Variants in DACH1 observed in about 807,000 individuals in gnomAD.
DACH1 encodes the protein dachshund family transcription factor 1.
DACH1 carries 12 observed loss-of-function variants against 54.2 expected under a neutral mutation model. The observed-to-expected ratio is 0.22, with a 90% CI of 0.14 to 0.36. The LOEUF is 0.36. Among genes scored for constraint, DACH1 ranks in the 10% least tolerant of loss-of-function variants. The pLI, the probability that DACH1 is intolerant of heterozygous loss-of-function variation, is 1.00. For synonymous variants in DACH1, 386 were observed against 366.2 expected (o/e 1.05, Z -0.62); for missense variants, 805 against 929.8 (o/e 0.87, Z 1.75).
At chr13:71,498,816 G>A (rs536678949) in intron 6 of DACH1, among the ~76,000 whole-genome samples, 2 of 151,964 alleles carry the variant, frequency 1.3e-5, no homozygotes, top group Non-Finnish European at 2.9e-5. Context: ...TTTTTAGGGG[G>A]AAATCATATT....
intron 10 of DACH1, among the ~76,000 whole-genome samples, chr13:71,455,285 T>G (rs541411789): frequency 4.6e-5 from 7 of 152,118 alleles, no homozygotes; most frequent in Non-Finnish European, 8.8e-5. Context: ...TACCTCTCCA[T>G]ATATAGAGAT....
intron 3 of DACH1, among the ~76,000 whole-genome samples, chr13:71,613,548 T>G (rs1357627295): frequency 1.3e-5 from 2 of 152,198 alleles, no homozygotes; most frequent in African/African-American, 2.4e-5. Context: ...GTTACTGCAG[T>G]GGCCAACGTG....
At chr13:71,628,645 G>A (rs1876842211) in intron 3 of DACH1, among the ~76,000 whole-genome samples, 1 of 151,936 alleles carries the variant, frequency 6.6e-6, no homozygotes, top group Non-Finnish European at 1.5e-5. Flanking sequence ...ATTTATTCCA[G>A]CTAAAATACA....
chr13:71,542,593 T>C (rs1209700226), intron 6 of DACH1, among the ~76,000 whole-genome samples: 1 of 152,164 alleles, frequency 6.6e-6, no homozygotes, highest in Non-Finnish European at 1.5e-5. Context: ...TCTCTCCTCT[T>C]TGGCTTGTCT....
chr13:71,714,961 G>GA (rs1882899569), intron 1 of DACH1, among the ~76,000 whole-genome samples: 2 of 151,888 alleles, frequency 1.3e-5, no homozygotes, highest in African/African-American at 4.8e-5. Context: ...ACTTAACTGA[G>GA]AAAAAAGGGA....
chr13:71,499,854 G>A (rs1440233596), intron 6 of DACH1, among the ~76,000 whole-genome samples: 6 of 152,068 alleles, frequency 3.9e-5, no homozygotes, highest in Non-Finnish European at 7.4e-5. Context: ...AAATCTGATG[G>A]TTCAGCTCAA....
intron 2 of DACH1, 27 bp downstream of exon 2, chr13:71,681,768 T>G (rs754053926): frequency 6.5e-7 from 1 of 1,541,566 alleles, no homozygotes; most frequent in Non-Finnish European, 8.9e-7. Context: ...TTTAATATTT[T>G]TTGGCATAAG....
At chr13:71,499,833 G>A (rs896527027) in intron 6 of DACH1, among the ~76,000 whole-genome samples, 4 of 151,962 alleles carry the variant, frequency 2.6e-5, no homozygotes, top group African/African-American at 7.3e-5. Context: ...ATGTCATACC[G>A]CATGAAAAGA....
At chr13:71,508,112 G>C (rs1880476269) in intron 6 of DACH1, among the ~76,000 whole-genome samples, 1 of 152,030 alleles carries the variant, frequency 6.6e-6, no homozygotes, top group South Asian at 2.1e-4. Context: ...TCATTATGGA[G>C]GCACTTCTTT....
chr13:71,525,014 T>C (rs1179278667), intron 6 of DACH1, among the ~76,000 whole-genome samples: 1 of 152,174 alleles, frequency 6.6e-6, no homozygotes, highest in African/African-American at 2.4e-5. Context: ...TTTTTTCTTG[T>C]AGGATATCAT....
chr13:71,443,264 T>C (rs1874164562), intron 10 of DACH1, among the ~76,000 whole-genome samples: 1 of 151,780 alleles, frequency 6.6e-6, no homozygotes, highest in African/African-American at 2.4e-5. Flanking sequence ...ACTTTAAGAA[T>C]AATAATAATG....
intron 1 of DACH1, among the ~76,000 whole-genome samples, chr13:71,743,766 A>G (rs1884499269): frequency 6.6e-6 from 1 of 152,078 alleles, no homozygotes; most frequent in Admixed American, 6.5e-5. Context: ...TAATTTGTTC[A>G]TGTTAGCAAA....
chr13:71,792,742 T>C (rs184396212), intron 1 of DACH1, among the ~76,000 whole-genome samples: 39 of 152,270 alleles, frequency 2.6e-4, no homozygotes, highest in African/African-American at 9.1e-4. Flanking sequence ...TTCGACTTTA[T>C]CTAGCCCTAA....
At chr13:71,567,188 G>A (rs1884942619) in intron 4 of DACH1, among the ~76,000 whole-genome samples, 1 of 151,728 alleles carries the variant, frequency 6.6e-6, no homozygotes, top group Non-Finnish European at 1.5e-5. Flanking sequence ...GATCAGCAAA[G>A]AAAATTAACG....
intron 6 of DACH1, among the ~76,000 whole-genome samples, chr13:71,499,136 G>GACAC (rs3075798): frequency 0.73 from 109,155 of 149,200 alleles, 41,578 homozygotes; most frequent in South Asian, 0.86. Flanking sequence ...CACACACGCA[G>GACAC]ACACACACAC....
intron 3 of DACH1, among the ~76,000 whole-genome samples, chr13:71,577,007 TC>T (rs1885571072): frequency 6.6e-6 from 1 of 152,108 alleles, no homozygotes; most frequent in African/African-American, 2.4e-5. Flanking sequence ...TCTAAACATT[TC>T]CATGGTGGTA....
At chr13:71,631,959 C>T (rs1020416589) in intron 2 of DACH1, among the ~76,000 whole-genome samples, 7 of 151,932 alleles carry the variant, frequency 4.6e-5, no homozygotes, top group African/African-American at 1.7e-4. Context: ...AGTAGCTGGG[C>T]ATGCTGGCCT....
chr13:71,844,681 A>G (rs970355154), intron 1 of DACH1, among the ~76,000 whole-genome samples: 3 of 152,142 alleles, frequency 2.0e-5, no homozygotes, highest in African/African-American at 7.2e-5. Context: ...CCTTACCTTA[A>G]TAAGACTTCC....
At chr13:71,479,047 C>A in intron 8 of DACH1, 122 bp downstream of exon 8, 2 of 900,218 alleles carry the variant, frequency 2.2e-6, no homozygotes. Flanking sequence ...AAATTCTGCT[C>A]TGAACTTTAG....
Sources: gnomAD v4.1 joint callset for allele counts (sites outside exome capture counted in the v4.1 genomes callset) on GRCh38, gnomAD v4.1.1 for gene constraint, MANE v1.5 for transcripts, NCBI Gene and HGNC (gene_info 2026-07-23, HGNC 2026-07-21) for gene names.